Variants in KCNQ1 observed in about 807,000 individuals in gnomAD.
KCNQ1 encodes potassium voltage-gated channel subfamily Q member 1.
A neutral mutation model predicts 72.4 loss-of-function variants in KCNQ1; 49 were observed. The observed-to-expected ratio is 0.68, with a 90% CI of 0.54 to 0.86. The LOEUF (loss-of-function observed/expected upper bound fraction) is 0.86. Ranked by LOEUF, KCNQ1 falls within the 40% of genes least tolerant of loss-of-function variation. The probability of loss-of-function intolerance (pLI) is 0.00; values close to 1 mark genes in which losing one functional copy is unlikely to be tolerated. For missense variants in KCNQ1, 790 were observed against 945.1 expected, an observed-to-expected ratio of 0.84 and a Z score of 2.15; for synonymous variants, 450 against 412.6, an observed-to-expected ratio of 1.09 and a Z score of -1.10.
At chr11:2,841,471 C>T (rs777762911) in intron 15 of KCNQ1, among the ~76,000 whole-genome samples, 4 of 152,146 alleles carry the variant, frequency 2.6e-5, no homozygotes, top group Admixed American at 6.5e-5. Context: ...GGGCAAGGGG[C>T]ATGGGGGGCA....
At position 2,664,502 on chromosome 11, in the gene KCNQ1, T is replaced by C. The variant is rs1850027637; in HGVS notation, c.1514+2421T>C. On this transcript the variant is annotated intron_variant, in intron 11 of 15. Transcript: ENST00000155840. This position sits in a 1 kb window ranked among gnomAD's most constrained non-coding sequence, Gnocchi z 5.1. Reference sequence around the variant, plus strand: ...ATCTGGGGGAGAAGGCTGGCAGCAGTGGGCACCCTGTTTCCTCAGGGCCCA... The same window carrying C: ...ATCTGGGGGAGAAGGCTGGCAGCAGCGGGCACCCTGTTTCCTCAGGGCCCA... The C allele has an allele frequency of 2.5e-6, 1 of 398,604 alleles. No homozygotes were observed. Among genetic ancestry groups the C allele is most frequent in the Admixed American group, 4.4e-5 (1 of 22,718 alleles). 24.7% of individuals were successfully genotyped at this position (398,604 alleles called of 1,614,324 possible). A position where few individuals can be genotyped will look rare whatever the true frequency, so the allele number is the denominator to read the frequency against.
intron 1 of KCNQ1, among the ~76,000 whole-genome samples, chr11:2,452,636 A>T (rs1432383370): frequency 6.6e-6 from 1 of 152,206 alleles, no homozygotes; most frequent in East Asian, 1.9e-4. Context: ...CTATTCCGTG[A>T]CGTCTCCAGC....
intron 11 of KCNQ1, among the ~76,000 whole-genome samples, chr11:2,761,538 A>G (rs1319081833): frequency 6.6e-6 from 1 of 152,134 alleles, no homozygotes; most frequent in East Asian, 1.9e-4. Context: ...CGTAGGGTGG[A>G]ACCCTAGCCA....
rs1225061770 is a variant in KCNQ1 at position 2,488,010 on chromosome 11, A to G, written c.387-39918A>G. ...TGATGTTAGCTGTGGATTTTCACAT[A>G]TGGTTTTTATTATGTTAAGGTAGTT... On this transcript the variant is annotated intron_variant, in intron 1 of 15. Coordinates refer to ENST00000155840, the MANE Select transcript of KCNQ1 (RefSeq NM_000218.3). The surrounding 1 kb of genome is among the most constrained non-coding windows in gnomAD (Gnocchi z 5.1). Among the ~76,000 whole-genome samples, 4 of 152,160 alleles carry G rather than the reference A, an allele frequency of 2.6e-5. No individual in the cohort carries two copies. The highest frequency in any genetic ancestry group is 4.8e-5 in the African/African-American group (2 of 41,446).
rs1846126717 is a variant in KCNQ1, at chr11:2,745,657, T to G, written c.1515-23187T>G. Among the ~76,000 whole-genome samples, 1 of 152,198 alleles carries G rather than the reference T, an allele frequency of 6.6e-6. No individual in the cohort carries two copies. The highest frequency in any genetic ancestry group is 2.4e-5 in the African/African-American group (1 of 41,450). On this transcript the variant is annotated intron_variant, in intron 11 of 15. Coordinates refer to ENST00000155840, the MANE Select transcript of KCNQ1 (RefSeq NM_000218.3). The surrounding 1 kb of genome is among the most constrained non-coding windows in gnomAD (Gnocchi z 6.2). The stretch of plus-strand genomic sequence containing the variant: ...GCAGAGGCTGGGGTTACCTGACACT[T>G]GTCATCCTTCTGCTGGGCCTCAGCA...
chr11:2,692,347 T>C (rs993488429), intron 11 of KCNQ1: 1 of 398,980 alleles, frequency 2.5e-6, no homozygotes. Context: ...TTCTCTGTAC[T>C]GCAGGCATCT....
rs1202270975 is a variant in KCNQ1, at chr11:2,663,943, A to C, written c.1514+1862A>C. On this transcript the variant is annotated intron_variant, in intron 11 of 15. Transcript: ENST00000155840. The surrounding 1 kb of genome is among the most constrained non-coding windows in gnomAD (Gnocchi z 5.2). ...GGGCTGTTTCTTGTTCCACTCCAGG[A>C]TGACAGGGCCTGAGAGACCTGAACA... 2 of 398,552 alleles carry C rather than the reference A, an allele frequency of 5.0e-6. No homozygotes were observed. The highest frequency in any genetic ancestry group is 2.1e-5 in the African/African-American group (1 of 48,622). The allele number at this position is 398,552 out of a possible 1,614,324, so 24.7% of individuals were successfully genotyped here. A position where few individuals can be genotyped will look rare whatever the true frequency, so the allele number is the denominator to read the frequency against.
Position 2,695,210 on chromosome 11 carries a change from A to C in KCNQ1, c.1514+33129A>C, listed in dbSNP as rs1294544041. On this transcript the variant is annotated intron_variant, in intron 11 of 15. Transcript: ENST00000155840. This position sits in a 1 kb window ranked among gnomAD's most constrained non-coding sequence, Gnocchi z 5.2. ...GCCTATGAAACACTGTCACCCTGTAAGGGTCTGCATAAAGTCACCGCTCTC... is the reference window on the plus strand; with the variant it reads ...GCCTATGAAACACTGTCACCCTGTACGGGTCTGCATAAAGTCACCGCTCTC... 1 of 398,486 alleles carries C rather than the reference A, an allele frequency of 2.5e-6. No individual in the cohort carries two copies. The highest frequency in any genetic ancestry group is 4.4e-6 in the Non-Finnish European group (1 of 226,092). 24.7% of individuals were successfully genotyped at this position (398,486 alleles called of 1,614,324 possible).
chr11:2,638,535 G>T (rs1020896744), intron 10 of KCNQ1: 1 of 152,114 alleles, frequency 6.6e-6, no homozygotes, highest in Non-Finnish European at 1.5e-5. Context: ...AGTTTCTGCT[G>T]AGAGATCCGC....
chr11:2,479,062 A>G lies in KCNQ1; in HGVS notation c.386+33578A>G, dbSNP rs1015702734. ...CATGTCTCACATCTAGGTCATGCTGATGCAAGAGGTGGGTTCCCATAGTCT... is the reference window on the plus strand; with the variant it reads ...CATGTCTCACATCTAGGTCATGCTGGTGCAAGAGGTGGGTTCCCATAGTCT... On this transcript the variant is annotated intron_variant, in intron 1 of 15. Coordinates refer to ENST00000155840, the MANE Select transcript of KCNQ1 (RefSeq NM_000218.3). This position sits in a 1 kb window ranked among gnomAD's most constrained non-coding sequence, Gnocchi z 4.6. 1.3e-5 allele frequency among the ~76,000 whole-genome samples: 2 copies of G among 149,918 alleles called. No homozygotes were observed. Among genetic ancestry groups the G allele is most frequent in the African/African-American group, 4.9e-5 (2 of 40,580 alleles).
chr11:2,686,710 G>A (rs988069417), intron 11 of KCNQ1: 6 of 398,536 alleles, frequency 1.5e-5, no homozygotes, highest in South Asian at 1.3e-4. Flanking sequence ...AGGCTGGGAA[G>A]TCCTACTCGG....
In KCNQ1 at chr11:2,827,443, A is replaced by G. The variant is rs1847861519; in HGVS notation, c.1795-20324A>G. 6.6e-6 allele frequency among the ~76,000 whole-genome samples: 1 copy of G among 152,056 alleles called. No homozygotes were observed. The highest frequency in any genetic ancestry group is 6.5e-5 in the Admixed American group (1 of 15,270). ...GCATTCCAGCAGCAGGAGGGAGGTA[A>G]AAGACATGAAGGACAGGCCCCACTC... On this transcript the variant is annotated intron_variant, in intron 15 of 15. Transcript: ENST00000155840. This position sits in a 1 kb window ranked among gnomAD's most constrained non-coding sequence, Gnocchi z 6.7.
rs985416208 is a variant in KCNQ1 at position 2,463,350 on chromosome 11, C to G, written c.386+17866C>G. ...GTTTTCTGCTGAGGATACATTTGCCCCCTCTATCCCCCAGATCGGCGGCTG... is the reference window on the plus strand; with the variant it reads ...GTTTTCTGCTGAGGATACATTTGCCGCCTCTATCCCCCAGATCGGCGGCTG... On this transcript the variant is annotated intron_variant, in intron 1 of 15. Transcript: ENST00000155840. The surrounding 1 kb of genome is among the most constrained non-coding windows in gnomAD (Gnocchi z 7.0). 1.5e-3 allele frequency among the ~76,000 whole-genome samples: 223 copies of G among 152,290 alleles called. 1 individual carries two copies. The highest frequency in any genetic ancestry group is 5.1e-3 in the African/African-American group (211 of 41,568).
chr11:2,813,172 C>T lies in KCNQ1; in HGVS notation c.1795-34595C>T, dbSNP rs749412846. On this transcript the variant is annotated intron_variant, in intron 15 of 15. Transcript: ENST00000155840. This position sits in a 1 kb window ranked among gnomAD's most constrained non-coding sequence, Gnocchi z 4.4. ...TGTGAGCCCTGTCTTCCTCTTGGCA[C>T]CATGAGTCACCTGTCAAACTGAGGG... Among the ~76,000 whole-genome samples, 8 of 152,226 alleles carry T rather than the reference C, an allele frequency of 5.3e-5. No homozygotes were observed. The highest frequency in any genetic ancestry group is 1.2e-4 in the Non-Finnish European group (8 of 68,040).
chr11:2,453,266 G>C lies in KCNQ1; in HGVS notation c.386+7782G>C, dbSNP rs529826724. Among the ~76,000 whole-genome samples the C allele has an allele frequency of 2.0e-5, 3 of 152,276 alleles. No homozygotes were observed. In the East Asian group the frequency reaches 5.8e-4, roughly 29 times the overall value. Reference sequence around the variant, plus strand: ...TGCATGCCTGTAATCCCAGCTACTTGGGAGGCTGAGGCAGGAGAATCACTT... The same window carrying C: ...TGCATGCCTGTAATCCCAGCTACTTCGGAGGCTGAGGCAGGAGAATCACTT... On this transcript the variant is annotated intron_variant, in intron 1 of 15. Coordinates refer to ENST00000155840, the MANE Select transcript of KCNQ1 (RefSeq NM_000218.3).
intron 11 of KCNQ1, chr11:2,675,064 C>A (rs965686113): frequency 7.5e-6 from 3 of 398,592 alleles, no homozygotes; most frequent in Admixed American, 8.8e-5. Context: ...AGGGCAGAGC[C>A]CCTGGAGAGG....
At chr11:2,577,833 C>T (rs1848445425) in intron 6 of KCNQ1, among the ~76,000 whole-genome samples, 1 of 152,170 alleles carries the variant, frequency 6.6e-6, no homozygotes. Context: ...ACCGCTGGCC[C>T]CACCCTTCTC....
chr11:2,514,054 C>A (rs1847250274), intron 1 of KCNQ1, among the ~76,000 whole-genome samples: 1 of 152,204 alleles, frequency 6.6e-6, no homozygotes, highest in Non-Finnish European at 1.5e-5. Context: ...GTGTGCAGGT[C>A]ACTCCTGGTG....
chr11:2,539,803 C>T (rs1056296296), intron 2 of KCNQ1, among the ~76,000 whole-genome samples: 1 of 152,204 alleles, frequency 6.6e-6, no homozygotes, highest in Non-Finnish European at 1.5e-5. Flanking sequence ...CAGGTGTTTC[C>T]TTTATGTTCT....
Sources: allele counts gnomAD v4.1 joint callset (sites outside exome capture counted in the v4.1 genomes callset), GRCh38; gene constraint gnomAD v4.1.1; non-coding constraint Gnocchi (gnomAD v3.1); transcripts MANE v1.5; gene names NCBI Gene and HGNC (gene_info 2026-07-23, HGNC 2026-07-21).